MAGI2: variants seen among roughly 807,000 people sequenced by gnomAD.
MAGI2 encodes the protein membrane associated guanylate kinase, WW and PDZ domain containing 2.
A neutral mutation model predicts 133.3 loss-of-function variants in MAGI2; 35 were observed. That is an observed-to-expected ratio of 0.26 (90% CI 0.20 to 0.35). The LOEUF is 0.35. Among genes scored for constraint, MAGI2 ranks in the 10% least tolerant of loss-of-function variants. The pLI, the probability that MAGI2 is intolerant of heterozygous loss-of-function variation, is 1.00. For synonymous variants in MAGI2, 729 were observed against 710.6 expected (o/e 1.03, Z -0.41); for missense variants, 1,636 against 1,863.4 (o/e 0.88, Z 2.25).
intron 10 of MAGI2, among the ~76,000 whole-genome samples, chr7:78,239,613 TA>T (rs1417099070): frequency 1.3e-5 from 2 of 152,218 alleles, no homozygotes; most frequent in African/African-American, 4.8e-5. Context: ...AGTAGGTATT[TA>T]TCACAAAAAG....
chr7:79,311,251 C>T (rs1290894127), intron 1 of MAGI2, among the ~76,000 whole-genome samples: 9 of 152,060 alleles, frequency 5.9e-5, no homozygotes, highest in Admixed American at 1.3e-4. Flanking sequence ...CAGGTGTGTC[C>T]GATCTTTTGG....
chr7:78,430,138 T>A (rs1368059114), intron 6 of MAGI2, among the ~76,000 whole-genome samples: 1 of 152,102 alleles, frequency 6.6e-6, no homozygotes, highest in Non-Finnish European at 1.5e-5. Flanking sequence ...GGCCTGAGAT[T>A]CTGCATTTTT....
intron 16 of MAGI2, among the ~76,000 whole-genome samples, chr7:78,148,069 C>T (rs1314184653): frequency 6.6e-6 from 1 of 152,066 alleles, no homozygotes; most frequent in African/African-American, 2.4e-5. Flanking sequence ...AATTTCCACA[C>T]ACAAAAAGAC....
At chr7:78,793,277 G>A (rs528963455) in intron 2 of MAGI2, among the ~76,000 whole-genome samples, 1 of 152,306 alleles carries the variant, frequency 6.6e-6, no homozygotes, top group Admixed American at 6.5e-5. Context: ...TTAAAGCAAT[G>A]GCCCTTGACT....
chr7:78,437,440 A>G (rs59169432), intron 6 of MAGI2, among the ~76,000 whole-genome samples: 28,214 of 152,224 alleles, frequency 0.19, 3,219 homozygotes, highest in East Asian at 0.46. Flanking sequence ...AAGCAGTGGT[A>G]CAAAGCAGGG....
chr7:79,328,760 T>A (rs1839870293), intron 1 of MAGI2, among the ~76,000 whole-genome samples: 1 of 150,964 alleles, frequency 6.6e-6, no homozygotes, highest in Non-Finnish European at 1.5e-5. Context: ...CCTTTTTGAA[T>A]AGAAATAGCT....
rs11978279 is a variant in MAGI2, at chr7:79,300,628, T to G, written c.301+152392A>C. ...GGAAAATTTGCAGCCTGGTCATGTA[T>G]CAGAAAAAGTAAAAGCCTTTTCAGG... On this transcript the variant is annotated intron_variant, in intron 1 of 21. Coordinates refer to ENST00000354212, the MANE Select transcript of MAGI2 (RefSeq NM_012301.4). Among the ~76,000 whole-genome samples the G allele has an allele frequency of 8.8e-3, 1,340 of 152,214 alleles. 13 individuals carry two copies. Among genetic ancestry groups the G allele is most frequent in the African/African-American group, 0.029 (1,191 of 41,538 alleles).
Position 78,071,821 on chromosome 7 carries a change from C to T in MAGI2, c.3706+7126G>A, listed in dbSNP as rs781289535. ...CATGGAAAAGGAAGATACGCTCAAC[C>T]GTGAATGTCAGAAGCTGAAATTAAA... On this transcript the variant is annotated intron_variant, in intron 21 of 21. Transcript: ENST00000354212. 1.1e-4 allele frequency among the ~76,000 whole-genome samples: 17 copies of T among 152,256 alleles called. 1 individual carries two copies. The highest frequency in any genetic ancestry group is 1.0e-3 in the South Asian group (5 of 4,822).
At chr7:78,127,896 C>T (rs941265672) in intron 18 of MAGI2, among the ~76,000 whole-genome samples, 1 of 152,178 alleles carries the variant, frequency 6.6e-6, no homozygotes, top group Non-Finnish European at 1.5e-5. Flanking sequence ...TCTCTAAATA[C>T]ATTACAAATA....
At chr7:78,038,771 T>C (rs948895510) in intron 21 of MAGI2, among the ~76,000 whole-genome samples, 1 of 152,246 alleles carries the variant, frequency 6.6e-6, no homozygotes, top group African/African-American at 2.4e-5. Flanking sequence ...AAGTGAATGA[T>C]AGTTGCAGGA....
At chr7:79,317,504 A>G (rs1046449661) in intron 1 of MAGI2, among the ~76,000 whole-genome samples, 10 of 152,250 alleles carry the variant, frequency 6.6e-5, no homozygotes, top group African/African-American at 2.4e-4. Context: ...AAATAAAAAC[A>G]TACAGGTGAA....
chr7:78,566,113 T>C (rs1277677606), intron 3 of MAGI2, among the ~76,000 whole-genome samples: 1 of 152,144 alleles, frequency 6.6e-6, no homozygotes, highest in East Asian at 1.9e-4. Flanking sequence ...AGGTGTGAGA[T>C]GGCCCCGTTG....
chr7:78,639,313 T>C (rs1035267742), intron 2 of MAGI2, among the ~76,000 whole-genome samples: 2 of 152,140 alleles, frequency 1.3e-5, no homozygotes, highest in Non-Finnish European at 1.5e-5. Context: ...TTTCAGATTA[T>C]ATGGCATAAA....
chr7:78,653,652 G>C (rs1811818600), intron 2 of MAGI2, among the ~76,000 whole-genome samples: 1 of 151,914 alleles, frequency 6.6e-6, no homozygotes, highest in Non-Finnish European at 1.5e-5. Flanking sequence ...GGGGCTAGGG[G>C]AGGGATAGCA....
chr7:79,438,293 G>C (rs1427123527), intron 1 of MAGI2, among the ~76,000 whole-genome samples: 1 of 152,040 alleles, frequency 6.6e-6, no homozygotes, highest in African/African-American at 2.4e-5. Context: ...GGAGCAAAAT[G>C]AAACAAGAAA....
intron 9 of MAGI2, among the ~76,000 whole-genome samples, chr7:78,321,141 C>A (rs1023196312): frequency 3.9e-5 from 6 of 152,118 alleles, no homozygotes; most frequent in Non-Finnish European, 8.8e-5. Flanking sequence ...AATGGAAGAA[C>A]ATTCTATACT....
chr7:79,357,885 CA>C (rs1483824890), intron 1 of MAGI2, among the ~76,000 whole-genome samples: 1 of 152,104 alleles, frequency 6.6e-6, no homozygotes, highest in Non-Finnish European at 1.5e-5. Flanking sequence ...TGAGCATGTG[CA>C]TGAAAATACT....
intron 2 of MAGI2, among the ~76,000 whole-genome samples, chr7:78,716,993 CATCTTGTGGGACAGGTCCCA>C (rs1255843405): frequency 1.3e-5 from 2 of 152,136 alleles, no homozygotes; most frequent in Non-Finnish European, 2.9e-5. Context: ...CGTGAAGAAA[CATCTTGTGGGACAGGTCCCA>C]GGCCTAACCC....
intron 16 of MAGI2, among the ~76,000 whole-genome samples, chr7:78,138,244 A>G (rs1822367121): frequency 6.6e-6 from 1 of 152,182 alleles, no homozygotes; most frequent in Non-Finnish European, 1.5e-5. Context: ...CAGGAACTAA[A>G]CACTTCATGA....
Sources: gnomAD v4.1 joint callset for allele counts (sites outside exome capture counted in the v4.1 genomes callset) on GRCh38, gnomAD v4.1.1 for gene constraint, MANE v1.5 for transcripts, NCBI Gene and HGNC (gene_info 2026-07-23, HGNC 2026-07-21) for gene names.